MYLK: variants seen among roughly 807,000 people sequenced by gnomAD.
MYLK encodes the protein myosin light chain kinase.
Under a neutral mutation model 203.4 loss-of-function variants are expected in MYLK, and 106 were observed. That is an observed-to-expected ratio of 0.52 (90% CI 0.45 to 0.61). MYLK has a LOEUF of 0.61. Among genes scored for constraint, MYLK ranks in the 20% least tolerant of loss-of-function variants. The pLI, the probability that MYLK is intolerant of heterozygous loss-of-function variation, is 0.00. For missense variants in MYLK, 2,072 were observed against 2,442.3 expected (o/e 0.85, Z 3.20); for synonymous variants, 867 against 959.5 (o/e 0.90, Z 1.78).
chr3:123,677,918 T>TAC lies in MYLK; in HGVS notation c.3652+4304_3652+4305dup, dbSNP rs1227637591. On this transcript the variant is annotated intron_variant, in intron 20 of 33. Coordinates refer to ENST00000360304, the MANE Select transcript of MYLK (RefSeq NM_053025.4). ...ATATATATATATATATATATATATA[T>TAC]ACACACACACACACACAGAGTACAT... Among the ~76,000 whole-genome samples, 471 of 78,688 alleles carry TAC rather than the reference T, an allele frequency of 6.0e-3. 16 individuals are homozygous for TAC. The East Asian group carries it at 0.083, about 14-fold the overall frequency. The allele number at this position is 78,688 out of a possible 152,430, so 51.6% of individuals were successfully genotyped here. A position where few individuals can be genotyped will look rare whatever the true frequency, so the allele number is the denominator to read the frequency against.
chr3:123,847,634 A>C (rs1007565688), intron 2 of MYLK, among the ~76,000 whole-genome samples: 1 of 152,114 alleles, frequency 6.6e-6, no homozygotes, highest in African/African-American at 2.4e-5. Context: ...ATGAGTGCTA[A>C]ATTCTGACTA....
intron 3 of MYLK, among the ~76,000 whole-genome samples, chr3:123,817,568 G>T (rs548664814): frequency 6.6e-6 from 1 of 152,270 alleles, no homozygotes; most frequent in South Asian, 2.1e-4. Flanking sequence ...GTTCCCACTT[G>T]CTTTTTAAAG....
intron 11 of MYLK, among the ~76,000 whole-genome samples, chr3:123,726,400 C>G (rs983227112): frequency 1.3e-5 from 2 of 152,148 alleles, no homozygotes; most frequent in African/African-American, 4.8e-5. Context: ...TTGCTGCCCT[C>G]GAGCCTCTGG....
At chr3:123,824,440 T>C (rs2066044681) in intron 3 of MYLK, among the ~76,000 whole-genome samples, 1 of 152,218 alleles carries the variant, frequency 6.6e-6, no homozygotes, top group South Asian at 2.1e-4. Flanking sequence ...CCTGTTCCAC[T>C]AGAATGAAAA....
chr3:123,614,021 A>C lies in MYLK; in HGVS notation c.*84T>G. The C allele has an allele frequency of 1.4e-6, 2 of 1,448,266 alleles. No homozygotes were observed. Among genetic ancestry groups the C allele is most frequent in the Non-Finnish European group, 1.9e-6 (2 of 1,054,476 alleles). The allele number at this position is 1,448,266 out of a possible 1,614,324, so 89.7% of individuals were successfully genotyped here. On this transcript the variant is annotated 3_prime_UTR_variant, in exon 34 of 34. Transcript: ENST00000360304. The stretch of plus-strand genomic sequence containing the variant: ...ATCTATCACACTAGGTGCTTTTACT[A>C]TCTTGAGTTTTTTTTTTTTTTTTGA...
chr3:123,764,310 A>T (rs1413409550), intron 4 of MYLK, among the ~76,000 whole-genome samples: 1 of 152,078 alleles, frequency 6.6e-6, no homozygotes, highest in African/African-American at 2.4e-5. Flanking sequence ...GAGGAAATAC[A>T]AAGTTCCAGG....
chr3:123,848,144 A>T (rs1213887015), intron 2 of MYLK, among the ~76,000 whole-genome samples: 1 of 151,818 alleles, frequency 6.6e-6, no homozygotes, highest in Non-Finnish European at 1.5e-5. Context: ...TCCTAATCCA[A>T]ATTTTAACAT....
chr3:123,777,460 G>A (rs570986182), intron 4 of MYLK, among the ~76,000 whole-genome samples: 1 of 152,354 alleles, frequency 6.6e-6, no homozygotes, highest in East Asian at 1.9e-4. Flanking sequence ...GCTCCCTGAA[G>A]AAGAGGTCAA....
At chr3:123,741,185 A>C (rs904411094) in intron 5 of MYLK, among the ~76,000 whole-genome samples, 1 of 152,090 alleles carries the variant, frequency 6.6e-6, no homozygotes, top group Non-Finnish European at 1.5e-5. Flanking sequence ...CTTAACTTTG[A>C]CTCTGATCAC....
intron 16 of MYLK, among the ~76,000 whole-genome samples, chr3:123,705,018 C>G (rs185751307): frequency 1.3e-5 from 2 of 152,196 alleles, no homozygotes; most frequent in Non-Finnish European, 2.9e-5. Context: ...GTCATTTCCC[C>G]TTTTGGTACA....
rs1576780721 is a variant in MYLK, at chr3:123,733,926, C to T, written c.1070G>A (p.Arg357Lys). Residue 357 changes from arginine to lysine, a missense_variant, in exon 10 of 34, where the codon AGA becomes AAA. Arg to Lys is a conservative substitution (Grantham distance 26). This residue lies in a region of MYLK where 683 missense variants were observed against 643.8 expected (regional missense o/e 1.06). Coordinates refer to ENST00000360304, the MANE Select transcript of MYLK (RefSeq NM_053025.4). ...LQAARVQPEPRAPGLGVLSPS... is the reference protein window; with the variant it reads ...LQAARVQPEPKAPGLGVLSPS... ...TGATAGGACCCCCAGGCCTGGTGCT[C>T]TTGGTTCCGGCTGAACTCTTGCGGC... 1 of 1,614,200 alleles carries T rather than the reference C, an allele frequency of 6.2e-7. No individual in the cohort carries two copies. Among genetic ancestry groups the T allele is most frequent in the Non-Finnish European group, 8.5e-7 (1 of 1,180,038 alleles).
chr3:123,674,987 C>T (rs2060027739), intron 20 of MYLK, among the ~76,000 whole-genome samples: 1 of 152,238 alleles, frequency 6.6e-6, no homozygotes, highest in Non-Finnish European at 1.5e-5. Context: ...TAGCATAGTA[C>T]CTGGCACATG....
At chr3:123,790,417 C>A (rs896526005) in intron 4 of MYLK, among the ~76,000 whole-genome samples, 5 of 152,106 alleles carry the variant, frequency 3.3e-5, no homozygotes, top group African/African-American at 1.2e-4. Flanking sequence ...TGTTGGCTAC[C>A]CAATGTATCT....
In MYLK at chr3:123,626,924, G is replaced by C. The variant is rs374662467; in HGVS notation, c.5132C>G (p.Thr1711Arg). 8 of 1,614,046 alleles carry C rather than the reference G, an allele frequency of 5.0e-6. No homozygotes were observed. The African/African-American group carries it at 8.0e-5, about 16-fold the overall frequency. The part of the protein sequence containing the change: ...KKDMKNRLDC[T>R]QCLQHPWLMK... ...TAGCCATGGATGCTGAAGGCACTGC[G>C]TGCAGTCCAGGCGGTTTCTGACAGA... The change falls in exon 31 of 34, where the codon ACG becomes AGG. Residue 1711 changes from threonine to arginine, a missense_variant. Thr to Arg is a moderately conservative substitution (Grantham distance 71). Transcript: ENST00000360304.
At chr3:123,798,963 A>C (rs2065090942) in intron 3 of MYLK, among the ~76,000 whole-genome samples, 1 of 152,232 alleles carries the variant, frequency 6.6e-6, no homozygotes, top group East Asian at 1.9e-4. Flanking sequence ...ACTATATTCC[A>C]ATCAAGAAAA....
At chr3:123,705,120 C>A (rs2061411211) in intron 16 of MYLK, among the ~76,000 whole-genome samples, 1 of 151,950 alleles carries the variant, frequency 6.6e-6, no homozygotes, top group Non-Finnish European at 1.5e-5. Flanking sequence ...TCTGCCCACC[C>A]CTCTACCCCC....
chr3:123,735,243 A>G lies in MYLK; in HGVS notation c.773+155T>C, dbSNP rs149520820. ...AACCCGTGTGTCATATTACAATAGG[A>G]GAACAAGACAAAACACCCAAAATAA... is the stretch of plus-strand genomic sequence containing the variant. On this transcript the variant is annotated intron_variant, in intron 9 of 33. Transcript: ENST00000360304. The G allele has an allele frequency of 1.4e-4, 139 of 1,004,016 alleles. 1 individual carries two copies. The African/African-American group carries it at 1.7e-3, about 12-fold the overall frequency. The allele number at this position is 1,004,016 out of a possible 1,614,324, so 62.2% of individuals were successfully genotyped here.
intron 3 of MYLK, among the ~76,000 whole-genome samples, chr3:123,812,873 G>A (rs2109243670): frequency 6.6e-6 from 1 of 152,314 alleles, no homozygotes; most frequent in South Asian, 2.1e-4. Context: ...GCATATTGGG[G>A]CACTCAGGGT....
At chr3:123,854,140 C>T (rs976003636) in intron 2 of MYLK, among the ~76,000 whole-genome samples, 2 of 148,488 alleles carry the variant, frequency 1.3e-5, no homozygotes, top group Non-Finnish European at 3.0e-5. Context: ...ATCTAGTCGC[C>T]GGCTGACCAT....
Sources: allele counts gnomAD v4.1 joint callset (sites outside exome capture counted in the v4.1 genomes callset), GRCh38; gene constraint gnomAD v4.1.1; regional missense constraint gnomAD v4.1.1; transcripts MANE v1.5; gene names NCBI Gene and HGNC (gene_info 2026-07-23, HGNC 2026-07-21).